Variants in TRPS1 observed in about 807,000 individuals in gnomAD.
TRPS1 encodes the protein zinc finger transcription factor Trps1.
Under a neutral mutation model 101.2 loss-of-function variants are expected in TRPS1, and 6 were observed. That is an observed-to-expected ratio of 0.06 (90% CI 0.03 to 0.12). The LOEUF is 0.12. Among genes scored for constraint, TRPS1 ranks in the 10% least tolerant of loss-of-function variants. TRPS1 has a pLI of 1.00. For missense variants in TRPS1, 1,363 were observed against 1,567.0 expected, an observed-to-expected ratio of 0.87 and a Z score of 2.20; for synonymous variants, 578 against 589.8, an observed-to-expected ratio of 0.98 and a Z score of 0.29.
intron 3 of TRPS1, among the ~76,000 whole-genome samples, chr8:115,611,881 G>T (rs1044476670): frequency 6.6e-6 from 1 of 152,194 alleles, no homozygotes; most frequent in Non-Finnish European, 1.5e-5. Context: ...CTTTCTGGAA[G>T]AATAGTGAGA....
At chr8:115,570,028 G>C (rs530089102) in intron 5 of TRPS1, among the ~76,000 whole-genome samples, 1 of 152,096 alleles carries the variant, frequency 6.6e-6, no homozygotes, top group South Asian at 2.1e-4. Context: ...TGTGTCTCTA[G>C]ATTCCTGTGT....
intron 2 of TRPS1, among the ~76,000 whole-genome samples, chr8:115,621,544 C>T (rs1057034324): frequency 1.3e-5 from 2 of 152,124 alleles, no homozygotes; most frequent in African/African-American, 4.8e-5. Flanking sequence ...GGATAGTGCA[C>T]TAGAGTATAA....
chr8:115,581,668 T>C (rs116155909), intron 5 of TRPS1, among the ~76,000 whole-genome samples: 2,831 of 152,256 alleles, frequency 0.019, 77 homozygotes, highest in African/African-American at 0.063. Flanking sequence ...TGGAACGAAT[T>C]TGACAACTTT....
chr8:115,537,675 A>G (rs1323098454), intron 5 of TRPS1, among the ~76,000 whole-genome samples: 2 of 152,266 alleles, frequency 1.3e-5, no homozygotes, highest in Non-Finnish European at 2.9e-5. Context: ...GAGAAAATAC[A>G]TATGTTAAGA....
chr8:115,515,076 A>T, intron 5 of TRPS1: 1 of 582,082 alleles, frequency 1.7e-6, no homozygotes. Context: ...TTTGTTGAGG[A>T]CTCAAGAGAA....
intron 5 of TRPS1, among the ~76,000 whole-genome samples, chr8:115,478,347 T>C (rs182827781): frequency 6.6e-6 from 1 of 152,318 alleles, no homozygotes; most frequent in Non-Finnish European, 1.5e-5. Flanking sequence ...CATAACTCAA[T>C]TTTTTCAAAA....
chr8:115,456,252 G>GT (rs1436926747), intron 5 of TRPS1, among the ~76,000 whole-genome samples: 3 of 152,096 alleles, frequency 2.0e-5, no homozygotes, highest in Admixed American at 6.5e-5. Context: ...ATTACGCAAC[G>GT]TGTCAAGAAC....
chr8:115,601,863 G>C (rs1441042573), intron 4 of TRPS1, among the ~76,000 whole-genome samples: 4 of 152,134 alleles, frequency 2.6e-5, no homozygotes, highest in Non-Finnish European at 4.4e-5. Context: ...CTCCCATTAG[G>C]CATCCTGCCA....
Position 115,554,842 on chromosome 8 carries a change from T to G in TRPS1, c.2700+32159A>C, listed in dbSNP as rs569373809. On this transcript the variant is annotated intron_variant, in intron 5 of 6. Coordinates refer to ENST00000395715, the MANE Select transcript of TRPS1 (RefSeq NM_014112.5). ...GCACAGGTTCAGAGGAGAAGGCCCTTTGAAAGGCGTGCCAGTGTGAAGAGG... is the reference window on the plus strand; with the variant it reads ...GCACAGGTTCAGAGGAGAAGGCCCTGTGAAAGGCGTGCCAGTGTGAAGAGG... Among the ~76,000 whole-genome samples the G allele has an allele frequency of 2.2e-4, 33 of 152,122 alleles. No individual in the cohort carries two copies. The East Asian group carries it at 6.0e-3, about 28-fold the overall frequency.
intron 5 of TRPS1, among the ~76,000 whole-genome samples, chr8:115,509,384 T>C (rs1586347389): frequency 6.6e-6 from 1 of 152,142 alleles, no homozygotes; most frequent in Middle Eastern, 3.4e-3. Context: ...TAAATACCTG[T>C]CATTAATGAA....
At chr8:115,441,494 G>C (rs191813418) in intron 5 of TRPS1, among the ~76,000 whole-genome samples, 18 of 152,292 alleles carry the variant, frequency 1.2e-4, no homozygotes, top group African/African-American at 4.3e-4. Flanking sequence ...AGATCGGGAA[G>C]AGTAGCATAT....
At chr8:115,530,033 G>T (rs952394912) in intron 5 of TRPS1, among the ~76,000 whole-genome samples, 1 of 151,994 alleles carries the variant, frequency 6.6e-6, no homozygotes, top group Admixed American at 6.6e-5. Flanking sequence ...TGAATATCGG[G>T]TTCCTATATT....
At chr8:115,593,861 A>G (rs1817730842) in intron 4 of TRPS1, among the ~76,000 whole-genome samples, 1 of 152,108 alleles carries the variant, frequency 6.6e-6, no homozygotes, top group African/African-American at 2.4e-5. Context: ...AAATCCTTGT[A>G]TTCCTCTTCA....
intron 5 of TRPS1, among the ~76,000 whole-genome samples, chr8:115,486,595 G>T (rs1384418631): frequency 6.6e-6 from 1 of 152,234 alleles, no homozygotes; most frequent in African/African-American, 2.4e-5. Context: ...TGCTAGTCAC[G>T]TGAATATACA....
intron 5 of TRPS1, among the ~76,000 whole-genome samples, chr8:115,430,903 T>C (rs1216729502): frequency 1.3e-5 from 2 of 151,568 alleles, no homozygotes; most frequent in African/African-American, 2.4e-5. Flanking sequence ...GGAGAATAAA[T>C]ATAATTGGTT....
chr8:115,647,269 A>G (rs190441334), intron 1 of TRPS1, among the ~76,000 whole-genome samples: 19 of 152,302 alleles, frequency 1.2e-4, no homozygotes, highest in Admixed American at 1.2e-3. Flanking sequence ...TGGCCTTACT[A>G]ATATGGACTT....
intron 5 of TRPS1, among the ~76,000 whole-genome samples, chr8:115,527,243 T>C (rs921079385): frequency 6.6e-6 from 1 of 152,070 alleles, no homozygotes; most frequent in Non-Finnish European, 1.5e-5. Flanking sequence ...TTAATCTTTA[T>C]TCTCTAAGCT....
At chr8:115,645,739 A>T (rs1027542379) in intron 1 of TRPS1, among the ~76,000 whole-genome samples, 3 of 152,232 alleles carry the variant, frequency 2.0e-5, no homozygotes, top group African/African-American at 7.2e-5. Flanking sequence ...ACATGTCATT[A>T]AAGGCCCAAA....
At chr8:115,551,663 T>G (rs1449705640) in intron 5 of TRPS1, among the ~76,000 whole-genome samples, 1 of 152,242 alleles carries the variant, frequency 6.6e-6, no homozygotes, top group African/African-American at 2.4e-5. Context: ...TAGTATAAAG[T>G]TTTTCAAAGT....
Sources: allele counts gnomAD v4.1 joint callset (sites outside exome capture counted in the v4.1 genomes callset), GRCh38; gene constraint gnomAD v4.1.1; transcripts MANE v1.5; gene names NCBI Gene and HGNC (gene_info 2026-07-23, HGNC 2026-07-21).